The following SLC4A4 variants were observed in gnomAD, a reference collection of about 807,000 sequenced individuals.
SLC4A4 encodes solute carrier family 4 member 4, also known as electrogenic sodium bicarbonate cotransporter 1.
SLC4A4 carries 27 observed loss-of-function variants against 111.5 expected under a neutral mutation model. That is an observed-to-expected ratio of 0.24 (90% CI 0.18 to 0.33). The LOEUF (loss-of-function observed/expected upper bound fraction) is 0.33, where lower values mean the gene tolerates loss of function less well. Ranked by LOEUF, SLC4A4 falls within the 10% of genes least tolerant of loss-of-function variation. The probability of loss-of-function intolerance (pLI) is 1.00; values close to 1 mark genes in which losing one functional copy is unlikely to be tolerated. For synonymous variants in SLC4A4, 443 were observed against 463.4 expected, an observed-to-expected ratio of 0.96 and a Z score of 0.57; for missense variants, 909 against 1,315.5, an observed-to-expected ratio of 0.69 and a Z score of 4.78.
intron 1 of SLC4A4, among the ~76,000 whole-genome samples, chr4:71,229,026 A>G (rs1374326124): frequency 1.3e-5 from 2 of 152,216 alleles, no homozygotes; most frequent in Non-Finnish European, 2.9e-5. Context: ...AGAGCCAACC[A>G]CAGGGGTCCC....
chr4:71,256,783 A>G (rs1323198396), intron 3 of SLC4A4, among the ~76,000 whole-genome samples: 1 of 152,208 alleles, frequency 6.6e-6, no homozygotes, highest in African/African-American at 2.4e-5. Context: ...ATAAATGACT[A>G]CCATTTATCT....
intron 12 of SLC4A4, among the ~76,000 whole-genome samples, chr4:71,465,910 G>T (rs1171445457): frequency 6.6e-6 from 1 of 152,104 alleles, no homozygotes; most frequent in Non-Finnish European, 1.5e-5. Flanking sequence ...CTTAGAAATT[G>T]CAGAATGGAG....
chr4:71,385,519 C>T (rs1718630303), intron 6 of SLC4A4, among the ~76,000 whole-genome samples: 3 of 151,882 alleles, frequency 2.0e-5, no homozygotes, highest in Admixed American at 2.0e-4. Context: ...ATTCTTGTCT[C>T]TTATCTATAA....
At chr4:71,241,493 A>AT (rs879608715) in intron 2 of SLC4A4, among the ~76,000 whole-genome samples, 16 of 152,044 alleles carry the variant, frequency 1.1e-4, no homozygotes, top group South Asian at 2.1e-4. Context: ...AGAAGGTAGT[A>AT]TTTTTTTCTA....
At chr4:71,475,060 C>G (rs1227382395) in intron 14 of SLC4A4, among the ~76,000 whole-genome samples, 1 of 151,688 alleles carries the variant, frequency 6.6e-6, no homozygotes, top group Non-Finnish European at 1.5e-5. Context: ...AGATTTTCAG[C>G]CTTCCTTTAC....
chr4:71,115,428 A>G (rs961303309), intron 2 of SLC4A4, among the ~76,000 whole-genome samples: 1 of 152,206 alleles, frequency 6.6e-6, no homozygotes, highest in Non-Finnish European at 1.5e-5. Context: ...AAACAAAACA[A>G]AAAACCCAGC....
intron 2 of SLC4A4, among the ~76,000 whole-genome samples, chr4:71,246,486 A>G (rs893949693): frequency 6.6e-6 from 1 of 152,218 alleles, no homozygotes; most frequent in Non-Finnish European, 1.5e-5. Context: ...AGGTGTTGAA[A>G]GAGCTTACAG....
chr4:71,075,115 T>C (rs1390330902), intron 1 of SLC4A4, among the ~76,000 whole-genome samples: 1 of 152,182 alleles, frequency 6.6e-6, no homozygotes, highest in Non-Finnish European at 1.5e-5. Context: ...AGCATTCTTA[T>C]TGCACCTGAT....
chr4:71,358,509 A>G (rs952023341), intron 6 of SLC4A4, among the ~76,000 whole-genome samples: 1 of 152,300 alleles, frequency 6.6e-6, no homozygotes, highest in South Asian at 2.1e-4. Context: ...CTGGAAAAAC[A>G]CTACAAGCAG....
intron 7 of SLC4A4, among the ~76,000 whole-genome samples, chr4:71,411,780 A>G (rs1402603189): frequency 6.6e-6 from 1 of 152,168 alleles, no homozygotes; most frequent in Admixed American, 6.5e-5. Flanking sequence ...AAGTGTATTT[A>G]TATGCTACGT....
intron 18 of SLC4A4, among the ~76,000 whole-genome samples, chr4:71,539,616 G>A (rs1298288065): frequency 6.6e-6 from 1 of 152,070 alleles, no homozygotes; most frequent in Non-Finnish European, 1.5e-5. Flanking sequence ...AAACTTCTCA[G>A]TGTAGCTTTC....
intron 2 of SLC4A4, among the ~76,000 whole-genome samples, chr4:71,158,126 TG>T (rs1744525688): frequency 1.3e-5 from 2 of 151,622 alleles, no homozygotes; most frequent in Non-Finnish European, 2.9e-5. Context: ...TGTGTGTGTG[TG>T]TGTGTGTGTG....
At chr4:71,496,525 G>A (rs376942997) in intron 15 of SLC4A4, among the ~76,000 whole-genome samples, 2 of 152,034 alleles carry the variant, frequency 1.3e-5, no homozygotes, top group African/African-American at 4.8e-5. Flanking sequence ...GTATTGGTCA[G>A]TAATCGGCTA....
At chr4:71,404,745 G>A (rs1412534579) in intron 7 of SLC4A4, among the ~76,000 whole-genome samples, 2 of 152,008 alleles carry the variant, frequency 1.3e-5, no homozygotes, top group African/African-American at 4.8e-5. Context: ...GAACACTCTT[G>A]AGTACAGTTT....
At chr4:71,183,927 C>T (rs879426604), upstream of SLC4A4, among the ~76,000 whole-genome samples, 4 of 152,148 alleles carry the variant, frequency 2.6e-5, no homozygotes, top group South Asian at 2.1e-4. Context: ...ATATGAAATG[C>T]CTATGAATGT....
chr4:71,068,975 G>A (rs1741602166), intron 1 of SLC4A4, among the ~76,000 whole-genome samples: 1 of 152,196 alleles, frequency 6.6e-6, no homozygotes, highest in Admixed American at 6.5e-5. Flanking sequence ...TGACATATAT[G>A]ACAGTTGTGA....
chr4:71,536,229 G>T (rs1734408193), intron 18 of SLC4A4, among the ~76,000 whole-genome samples: 3 of 151,310 alleles, frequency 2.0e-5, no homozygotes, highest in Admixed American at 1.3e-4. Flanking sequence ...GTAGTCAATG[G>T]GTCAAAATAG....
At chr4:71,346,143 A>T (rs1729306987) in intron 4 of SLC4A4, among the ~76,000 whole-genome samples, 1 of 151,930 alleles carries the variant, frequency 6.6e-6, no homozygotes, top group Admixed American at 6.6e-5. Flanking sequence ...AGTGATTCCC[A>T]GTGGGTCTTT....
intron 12 of SLC4A4, among the ~76,000 whole-genome samples, chr4:71,457,983 G>A (rs1286990746): frequency 2.0e-5 from 3 of 151,950 alleles, no homozygotes; most frequent in Non-Finnish European, 4.4e-5. Flanking sequence ...TTTTGTATTA[G>A]CATTTATTGT....
Sources: allele counts gnomAD v4.1 joint callset (sites outside exome capture counted in the v4.1 genomes callset), GRCh38; gene constraint gnomAD v4.1.1; transcripts MANE v1.5; gene names NCBI Gene and HGNC (gene_info 2026-07-23, HGNC 2026-07-21).